CAST: variants seen among roughly 807,000 people sequenced by gnomAD.
The protein encoded by CAST is MIR583 host.
A neutral mutation model predicts 119.6 loss-of-function variants in CAST; 76 were observed. The ratio of observed to expected loss-of-function variants is 0.64; its 90% CI spans 0.53 to 0.77. CAST has a LOEUF of 0.77. Ranked by LOEUF, CAST falls within the 30% of genes least tolerant of loss-of-function variation. CAST has a pLI of 0.00. For synonymous variants in CAST, 319 were observed against 331.6 expected (o/e 0.96, Z 0.41); for missense variants, 953 against 946.5 (o/e 1.01, Z -0.09).
chr5:96,115,236 A>T, the CAST span, among the ~76,000 whole-genome samples: 4 of 152,026 alleles, frequency 2.6e-5, no homozygotes, highest in Non-Finnish European at 5.9e-5. Context: ...GTACTTAAAC[A>T]TTTCTCTCTG....
the CAST span, among the ~76,000 whole-genome samples, chr5:96,475,508 G>C: frequency 6.6e-6 from 1 of 152,204 alleles, no homozygotes; most frequent in Non-Finnish European, 1.5e-5. Flanking sequence ...AAGCCCAGCA[G>C]CTTTTCCTGT....
At chr5:96,487,680 C>T in the CAST span, among the ~76,000 whole-genome samples, 1 of 152,202 alleles carries the variant, frequency 6.6e-6, no homozygotes, top group Admixed American at 6.5e-5. Flanking sequence ...TGACATTTCT[C>T]CAGTTAATTT....
At chr5:96,413,235 T>G in the CAST span, among the ~76,000 whole-genome samples, 1 of 152,224 alleles carries the variant, frequency 6.6e-6, no homozygotes, top group Non-Finnish European at 1.5e-5. Flanking sequence ...AGGGGAATCA[T>G]TTTTCATCAG....
chr5:96,301,272 C>T, the CAST span, among the ~76,000 whole-genome samples: 2 of 152,070 alleles, frequency 1.3e-5, no homozygotes, highest in African/African-American at 4.8e-5. Context: ...AAAAGTCCAC[C>T]CCCATGATCT....
the CAST span, among the ~76,000 whole-genome samples, chr5:96,009,982 T>C: frequency 6.6e-6 from 1 of 152,128 alleles, no homozygotes; most frequent in South Asian, 2.1e-4. Context: ...TGGTGAAAGG[T>C]AAGGGTCTAG....
the CAST span, among the ~76,000 whole-genome samples, chr5:96,285,244 A>C: frequency 2.6e-5 from 4 of 152,186 alleles, no homozygotes; most frequent in African/African-American, 9.7e-5. Context: ...TTTACATTTT[A>C]ACAGTAGGAA....
intron 16 of CAST, chr5:96,743,566 GA>G: frequency 6.3e-7 from 1 of 1,583,376 alleles, no homozygotes. Context: ...AGTCATCAGG[GA>G]AGGGGAGTCT....
chr5:96,586,117 T>C (rs530876753), intron 1 of CAST, among the ~76,000 whole-genome samples: 41 of 152,216 alleles, frequency 2.7e-4, no homozygotes, highest in Non-Finnish European at 5.3e-4. Context: ...ATAAAGTAGA[T>C]ACTTTTATTA....
chr5:96,493,041 G>A, the CAST span, among the ~76,000 whole-genome samples: 3 of 152,120 alleles, frequency 2.0e-5, no homozygotes, highest in Non-Finnish European at 4.4e-5. Flanking sequence ...ATACAGTAAA[G>A]CTACAGATAA....
the CAST span, among the ~76,000 whole-genome samples, chr5:96,466,994 G>T: frequency 1.2e-4 from 19 of 152,268 alleles, no homozygotes; most frequent in East Asian, 3.1e-3. Context: ...CTTTGCAAAA[G>T]AATGTGTTGT....
the CAST span, among the ~76,000 whole-genome samples, chr5:96,118,367 A>T: frequency 6.6e-6 from 1 of 152,172 alleles, no homozygotes. Context: ...GAGTAAGTGG[A>T]TAAGCCATGG....
At chr5:96,229,268 C>A in the CAST span, among the ~76,000 whole-genome samples, 1 of 150,680 alleles carries the variant, frequency 6.6e-6, no homozygotes, top group African/African-American at 2.4e-5. Context: ...ATACTAGATA[C>A]AAAGGATACT....
At chr5:96,602,860 A>T (rs1438436661) in intron 1 of CAST, among the ~76,000 whole-genome samples, 1 of 152,230 alleles carries the variant, frequency 6.6e-6, no homozygotes, top group Admixed American at 6.5e-5. Context: ...GGTGAGACTC[A>T]AATACGGAGA....
At chr5:96,595,467 G>A (rs948701717) in intron 1 of CAST, among the ~76,000 whole-genome samples, 5 of 152,322 alleles carry the variant, frequency 3.3e-5, no homozygotes, top group Admixed American at 1.3e-4. Context: ...AAGGGCCACC[G>A]AAGGGGAAGA....
chr5:96,385,326 T>C, the CAST span, among the ~76,000 whole-genome samples: 1 of 152,206 alleles, frequency 6.6e-6, no homozygotes, highest in African/African-American at 2.4e-5. Flanking sequence ...ATAAACTCTC[T>C]AGGTGTTCCT....
the CAST span, among the ~76,000 whole-genome samples, chr5:96,348,113 C>T: frequency 2.0e-5 from 3 of 152,068 alleles, no homozygotes; most frequent in African/African-American, 4.8e-5. Flanking sequence ...ATGCATTCAT[C>T]GGATGTAGTA....
the CAST span, among the ~76,000 whole-genome samples, chr5:96,155,280 G>C: frequency 6.6e-6 from 1 of 152,102 alleles, no homozygotes; most frequent in East Asian, 1.9e-4. Context: ...CAGGGATAAT[G>C]GCAGCCTAGA....
the CAST span, among the ~76,000 whole-genome samples, chr5:96,015,683 C>T: frequency 3.9e-5 from 6 of 152,064 alleles, no homozygotes; most frequent in East Asian, 1.9e-4. Context: ...TAATATATGT[C>T]GAGCACATTG....
At chr5:96,681,981 C>T (rs1300116909) in intron 2 of CAST, among the ~76,000 whole-genome samples, 1 of 152,048 alleles carries the variant, frequency 6.6e-6, no homozygotes, top group East Asian at 1.9e-4. Context: ...GAGACCCCAT[C>T]CACATAACTT....
Sources: allele counts gnomAD v4.1 joint callset (sites outside exome capture counted in the v4.1 genomes callset), GRCh38; gene constraint gnomAD v4.1.1; transcripts MANE v1.5; gene names NCBI Gene and HGNC (gene_info 2026-07-23, HGNC 2026-07-21).